PHF14: variants seen among roughly 807,000 people sequenced by gnomAD.
PHF14 encodes PHD finger protein 14.
PHF14 carries 55 observed loss-of-function variants against 117.9 expected under a neutral mutation model. That is an observed-to-expected ratio of 0.47 (90% CI 0.38 to 0.58). The LOEUF is 0.58. PHF14 is among the 20% of genes least tolerant of loss of function. PHF14 has a pLI of 0.00. For synonymous variants in PHF14, 409 were observed against 368.6 expected, an observed-to-expected ratio of 1.11 and a Z score of -1.26; for missense variants, 978 against 1,122.2, an observed-to-expected ratio of 0.87 and a Z score of 1.84.
rs538527948 is a variant in PHF14, at chr7:11,121,953, C to T, written c.2772+10486C>T. On this transcript the variant is annotated intron_variant, in intron 17 of 17. Transcript: ENST00000634607. Reference sequence around the variant, plus strand: ...TGGTGGTTTGCTGCACCTGTCAACCCGTCAGACGTTTTAAGCCCTGCATGC... The same window carrying T: ...TGGTGGTTTGCTGCACCTGTCAACCTGTCAGACGTTTTAAGCCCTGCATGC... Among the ~76,000 whole-genome samples, 9 of 151,684 alleles carry T rather than the reference C, an allele frequency of 5.9e-5. No homozygotes were observed. The East Asian group carries it at 1.2e-3, about 20-fold the overall frequency.
At chr7:11,014,197 C>A (rs566948653) in intron 5 of PHF14, among the ~76,000 whole-genome samples, 17 of 152,240 alleles carry the variant, frequency 1.1e-4, no homozygotes, top group Non-Finnish European at 2.5e-4. Context: ...GTACCCAGGG[C>A]TCAGATTATT....
In PHF14 at chr7:11,093,049, CAA is replaced by C. The variant is rs1358263483; in HGVS notation, c.2655-18298_2655-18297del. Among the ~76,000 whole-genome samples the C allele has an allele frequency of 2.0e-5, 3 of 152,180 alleles. 1 individual carries two copies. Among genetic ancestry groups the C allele is most frequent in the African/African-American group, 7.2e-5 (3 of 41,446 alleles). On this transcript the variant is annotated intron_variant, in intron 16 of 17. Coordinates refer to ENST00000634607, the MANE Select transcript of PHF14 (RefSeq NM_001007157.2). ...GAAAGTGTGATACAGTCCTGCCAAG[CAA>C]AACTAGCTTTCAGGCTTTAGATTCT... is the stretch of plus-strand genomic sequence containing the variant.
At position 10,982,428 on chromosome 7, in the gene PHF14, TC is replaced by T; in HGVS notation, c.171del (p.Cys58ValfsTer9). 1 of 1,594,452 alleles carries T rather than the reference TC, an allele frequency of 6.3e-7. No individual in the cohort carries two copies. Among genetic ancestry groups the T allele is most frequent in the Non-Finnish European group, 8.5e-7 (1 of 1,169,664 alleles). On this transcript the variant is annotated frameshift_variant, in exon 3 of 18. Coordinates refer to ENST00000634607, the MANE Select transcript of PHF14 (RefSeq NM_001007157.2). LOFTEE classifies it high-confidence loss of function. The stretch of plus-strand genomic sequence containing the variant: ...TGCTTCAAAGGACAGTGGAGAAGGT[TC>T]CTGTAGTGATTCTGAAGAAAATATT... ...EDASKDSGEG[S>X]CSDSEENILE...
At chr7:10,985,894 C>G (rs1031594954) in intron 3 of PHF14, among the ~76,000 whole-genome samples, 1 of 152,024 alleles carries the variant, frequency 6.6e-6, no homozygotes, top group African/African-American at 2.4e-5. Flanking sequence ...CTCAAGTGAT[C>G]CACCTGCCTT....
intron 4 of PHF14, among the ~76,000 whole-genome samples, chr7:11,011,990 A>G (rs1430801168): frequency 6.6e-5 from 10 of 152,136 alleles, no homozygotes; most frequent in African/African-American, 1.2e-4. Context: ...GTAATAACAA[A>G]CTTTTAGGCA....
At chr7:11,039,279 G>A (rs1784424184) in intron 11 of PHF14, among the ~76,000 whole-genome samples, 2 of 151,614 alleles carry the variant, frequency 1.3e-5, no homozygotes, top group African/African-American at 2.4e-5. Flanking sequence ...AATTAAAAAA[G>A]GCAAACTAGA....
intron 4 of PHF14, 128 bp downstream of exon 4, chr7:10,990,975 A>T (rs550496661): frequency 6.5e-6 from 4 of 614,696 alleles, no homozygotes; most frequent in Middle Eastern, 2.7e-4. Context: ...CAAAGTATGG[A>T]TGCTATTTTT....
intron 3 of PHF14, among the ~76,000 whole-genome samples, chr7:10,989,170 CT>C (rs1782356080): frequency 6.6e-6 from 1 of 152,070 alleles, no homozygotes; most frequent in Non-Finnish European, 1.5e-5. Context: ...TGTTTGCATT[CT>C]TTTCTGATTG....
Position 11,131,229 on chromosome 7 carries a change from G to T in PHF14, c.2772+19762G>T, listed in dbSNP as rs556159480. On this transcript the variant is annotated intron_variant, in intron 17 of 17. Coordinates refer to ENST00000634607, the MANE Select transcript of PHF14 (RefSeq NM_001007157.2). ...CATTATGGGATCATATGGTAAGAGTGTGTTTGGCTGCCAAACTGTCTTCCA... is the reference window on the plus strand; with the variant it reads ...CATTATGGGATCATATGGTAAGAGTTTGTTTGGCTGCCAAACTGTCTTCCA... Among the ~76,000 whole-genome samples, 5 of 151,940 alleles carry T rather than the reference G, an allele frequency of 3.3e-5. No homozygotes were observed. The South Asian group carries it at 1.0e-3, about 32-fold the overall frequency.
intron 4 of PHF14, among the ~76,000 whole-genome samples, chr7:11,003,212 A>G (rs888157435): frequency 3.9e-5 from 6 of 152,276 alleles, no homozygotes; most frequent in Non-Finnish European, 7.4e-5. Context: ...GTGCTGGTGC[A>G]TATCTGTTCA....
chr7:11,113,941 A>G (rs1456756883), intron 17 of PHF14, among the ~76,000 whole-genome samples: 1 of 152,160 alleles, frequency 6.6e-6, no homozygotes. Flanking sequence ...GAAACCCAGA[A>G]TGAAAGTTCA....
intron 4 of PHF14, among the ~76,000 whole-genome samples, chr7:10,995,048 C>A (rs1782586829): frequency 6.6e-6 from 1 of 152,068 alleles, no homozygotes; most frequent in African/African-American, 2.4e-5. Context: ...GTTTACAATC[C>A]CTGAGATAGA....
intron 17 of PHF14, among the ~76,000 whole-genome samples, chr7:11,158,720 A>G (rs1357463517): frequency 6.6e-6 from 1 of 152,090 alleles, no homozygotes; most frequent in African/African-American, 2.4e-5. Flanking sequence ...TTCACCTTTA[A>G]TATTCTATGA....
chr7:11,060,650 A>C (rs1165086795), intron 14 of PHF14, among the ~76,000 whole-genome samples: 3 of 152,320 alleles, frequency 2.0e-5, no homozygotes, highest in African/African-American at 7.2e-5. Flanking sequence ...TTGAGAAGCA[A>C]GTCTCAGTAT....
chr7:11,155,954 T>C (rs73679504), intron 17 of PHF14, among the ~76,000 whole-genome samples: 3,098 of 152,252 alleles, frequency 0.02, 103 homozygotes, highest in African/African-American at 0.07. Flanking sequence ...TTATGAAATA[T>C]TGGGAAAAAC....
intron 4 of PHF14, among the ~76,000 whole-genome samples, chr7:10,992,797 A>AG (rs1216900079): frequency 1.3e-5 from 2 of 152,220 alleles, no homozygotes; most frequent in African/African-American, 4.8e-5. Flanking sequence ...AATTGTCCCA[A>AG]CAATGTCATT....
chr7:11,022,466 C>A (rs917010374), intron 5 of PHF14, among the ~76,000 whole-genome samples: 1 of 152,070 alleles, frequency 6.6e-6, no homozygotes, highest in African/African-American at 2.4e-5. Context: ...AAATTAGTAT[C>A]CTTAATTCTC....
chr7:11,055,154 A>G (rs1172706422), intron 14 of PHF14, among the ~76,000 whole-genome samples: 2 of 152,124 alleles, frequency 1.3e-5, no homozygotes, highest in African/African-American at 4.8e-5. Context: ...TCTCTGCATT[A>G]TTTTCTATGT....
chr7:11,116,608 C>G (rs539519164), intron 17 of PHF14, among the ~76,000 whole-genome samples: 1 of 152,054 alleles, frequency 6.6e-6, no homozygotes, highest in South Asian at 2.1e-4. Context: ...AATCTCTTAT[C>G]ACCCTCTACT....
Sources: allele counts gnomAD v4.1 joint callset (sites outside exome capture counted in the v4.1 genomes callset), GRCh38; gene constraint gnomAD v4.1.1; transcripts MANE v1.5; gene names NCBI Gene and HGNC (gene_info 2026-07-23, HGNC 2026-07-21).